KIF6: variants seen among roughly 807,000 people sequenced by gnomAD.
KIF6 encodes the protein kinesin family member 6.
Under a neutral mutation model 112.7 loss-of-function variants are expected in KIF6, and 106 were observed. That is an observed-to-expected ratio of 0.94 (90% CI 0.80 to 1.11). The LOEUF is 1.11. Ranked by LOEUF, KIF6 falls within the 50% of genes least tolerant of loss-of-function variation. The pLI is 0.00. For synonymous variants in KIF6, 339 were observed against 339.9 expected (o/e 1.00, Z 0.03); for missense variants, 929 against 964.0 (o/e 0.96, Z 0.48).
chr6:39,645,967 T>C (rs1247697945), intron 3 of KIF6, among the ~76,000 whole-genome samples: 3 of 151,594 alleles, frequency 2.0e-5, no homozygotes, highest in South Asian at 2.1e-4. Context: ...CCGGGGCCTG[T>C]TGTTGGGTGG....
chr6:39,627,033 T>C (rs1468816763), intron 5 of KIF6, among the ~76,000 whole-genome samples: 1 of 152,172 alleles, frequency 6.6e-6, no homozygotes, highest in Non-Finnish European at 1.5e-5. Context: ...TTATGCTATG[T>C]CCTGGAATCA....
chr6:39,337,093 TTTCTTTC>T (rs899802657), intron 22 of KIF6, among the ~76,000 whole-genome samples: 7 of 139,172 alleles, frequency 5.0e-5, no homozygotes, highest in Middle Eastern at 3.5e-3. Context: ...CCTTCTTTCC[TTTCTTTC>T]TTCTTTCTTC....
chr6:39,465,533 T>C (rs1773733152), intron 13 of KIF6, among the ~76,000 whole-genome samples: 1 of 152,192 alleles, frequency 6.6e-6, no homozygotes, highest in African/African-American at 2.4e-5. Flanking sequence ...ACTCTCATCA[T>C]CTCATGCCTA....
chr6:39,473,708 C>A (rs1044422234), intron 13 of KIF6, among the ~76,000 whole-genome samples: 1 of 152,116 alleles, frequency 6.6e-6, no homozygotes, highest in Non-Finnish European at 1.5e-5. Flanking sequence ...TGAAAAACTT[C>A]ATTTCCTACC....
Position 39,335,994 on chromosome 6 carries a change from G to C in KIF6, c.*538C>G, listed in dbSNP as rs1404411037. 6.5e-6 allele frequency: 1 copy of C among 153,222 alleles called. No individual in the cohort carries two copies. The allele number at this position is 153,222 out of a possible 1,614,324, so 9.5% of individuals were successfully genotyped here. A position where few individuals can be genotyped will look rare whatever the true frequency, so the allele number is the denominator to read the frequency against. On this transcript the variant is annotated 3_prime_UTR_variant, in exon 23 of 23. Transcript: ENST00000287152. ...TGAAAGATGTGGTCTGGGAGATCAG[G>C]ATTGGCCTTCAGGATGCCCTGCATT...
intron 13 of KIF6, among the ~76,000 whole-genome samples, chr6:39,514,201 G>A (rs1554230189): frequency 6.6e-6 from 1 of 152,060 alleles, no homozygotes; most frequent in South Asian, 2.1e-4. Flanking sequence ...CCACAAGATC[G>A]GATCTTCCCC....
chr6:39,572,151 T>C lies in KIF6; in HGVS notation c.1181+5905A>G, dbSNP rs554401876. On this transcript the variant is annotated intron_variant, in intron 10 of 22. Transcript: ENST00000287152. ...TGGTTTAACTCTCTCACCTTACACA[T>C]AAGAAACCTTAAGTCTGCAGAGTCA... 1.3e-4 allele frequency among the ~76,000 whole-genome samples: 20 copies of C among 152,286 alleles called. No homozygotes were observed. In the South Asian group the frequency reaches 3.1e-3, roughly 24 times the overall value.
intron 13 of KIF6, among the ~76,000 whole-genome samples, chr6:39,506,346 C>T (rs550199310): frequency 4.6e-5 from 7 of 152,052 alleles, no homozygotes; most frequent in East Asian, 1.9e-4. Flanking sequence ...CAACACACAC[C>T]GGGGCCTGTT....
chr6:39,655,185 G>A (rs1355097299), intron 3 of KIF6, among the ~76,000 whole-genome samples: 2 of 152,136 alleles, frequency 1.3e-5, no homozygotes. Flanking sequence ...TGATTGTAAT[G>A]TGATCAAACA....
chr6:39,714,690 A>G lies in KIF6; in HGVS notation c.251+2T>C. On this transcript the variant is annotated splice_donor_variant, in intron 3 of 22. Transcript: ENST00000287152. LOFTEE classifies it high-confidence loss of function. ...CACTGAACAAAATATGGGAAATCCT[A>G]CCTCCCAGCAACTGGTTTGGCAATG... 1 of 1,611,548 alleles carries G rather than the reference A, an allele frequency of 6.2e-7. No individual in the cohort carries two copies. The highest frequency in any genetic ancestry group is 8.5e-7 in the Non-Finnish European group (1 of 1,177,980).
chr6:39,536,901 C>T (rs1347713444), intron 13 of KIF6, among the ~76,000 whole-genome samples: 12 of 152,284 alleles, frequency 7.9e-5, no homozygotes, highest in Admixed American at 4.6e-4. Flanking sequence ...GGATGCAAGG[C>T]TGGTTCAATA....
chr6:39,665,213 G>A (rs1016257711), intron 3 of KIF6, among the ~76,000 whole-genome samples: 11 of 152,160 alleles, frequency 7.2e-5, no homozygotes, highest in African/African-American at 2.7e-4. Context: ...CATATATTCA[G>A]TTATCCAAAG....
intron 3 of KIF6, among the ~76,000 whole-genome samples, chr6:39,680,457 T>C (rs1024139126): frequency 6.6e-6 from 1 of 152,206 alleles, no homozygotes; most frequent in African/African-American, 2.4e-5. Context: ...TCAAACAACT[T>C]AGAGTTCAAT....
chr6:39,475,391 C>T (rs1774367299), intron 13 of KIF6, among the ~76,000 whole-genome samples: 1 of 152,144 alleles, frequency 6.6e-6, no homozygotes, highest in African/African-American at 2.4e-5. Context: ...CAGAAAAGAA[C>T]CAGTGATGGA....
intron 13 of KIF6, among the ~76,000 whole-genome samples, chr6:39,516,287 C>T (rs1347487249): frequency 6.6e-6 from 1 of 151,076 alleles, no homozygotes; most frequent in Non-Finnish European, 1.5e-5. Flanking sequence ...AATAATGTTA[C>T]ATGTTTCAAT....
intron 3 of KIF6, among the ~76,000 whole-genome samples, chr6:39,641,199 C>A (rs1784879824): frequency 6.6e-6 from 1 of 152,032 alleles, no homozygotes; most frequent in South Asian, 2.1e-4. Context: ...TAAATGAAGT[C>A]TAAAATTTCA....
chr6:39,432,764 C>G (rs1226383013), intron 13 of KIF6, among the ~76,000 whole-genome samples: 3 of 152,198 alleles, frequency 2.0e-5, no homozygotes, highest in African/African-American at 4.8e-5. Flanking sequence ...ATACCTTTCC[C>G]CTGTCCGGGT....
intron 13 of KIF6, among the ~76,000 whole-genome samples, chr6:39,452,269 G>T (rs183159395): frequency 6.6e-6 from 1 of 152,204 alleles, no homozygotes. Flanking sequence ...GGATGAAGAA[G>T]AATCTAAATT....
intron 13 of KIF6, among the ~76,000 whole-genome samples, chr6:39,434,693 G>A (rs1562213845): frequency 6.6e-6 from 1 of 152,152 alleles, no homozygotes; most frequent in Non-Finnish European, 1.5e-5. Context: ...GGGAGAGGGA[G>A]GGAGGGAGGC....
Sources: gnomAD v4.1 joint callset for allele counts (sites outside exome capture counted in the v4.1 genomes callset) on GRCh38, gnomAD v4.1.1 for gene constraint, MANE v1.5 for transcripts, NCBI Gene and HGNC (gene_info 2026-07-23, HGNC 2026-07-21) for gene names.